The following AZU1 variants were observed in gnomAD, a reference collection of about 807,000 sequenced individuals.
AZU1 encodes azurocidin 1.
A neutral mutation model predicts 17.8 loss-of-function variants in AZU1; 21 were observed. That is an observed-to-expected ratio of 1.18 (90% CI 0.84 to 1.70). The LOEUF (loss-of-function observed/expected upper bound fraction) is 1.70. AZU1 is among the 40% of genes most tolerant of loss of function. AZU1 has a pLI of 0.00. For synonymous variants in AZU1, 178 were observed against 155.2 expected (o/e 1.15, Z -1.09); for missense variants, 379 against 362.9 (o/e 1.04, Z -0.36).
intron 1 of AZU1, 108 bp from the exon 2 acceptor site, chr19:828,122 C>G (rs146008314): frequency 3.3e-5 from 45 of 1,353,856 alleles, no homozygotes; most frequent in Middle Eastern, 2.2e-4. Flanking sequence ...GAGGGTGGGT[C>G]CCCCCGCAGC....
In AZU1 at chr19:830,738, G is replaced by C. The variant is rs376150747; in HGVS notation, c.391G>C (p.Val131Leu). Reference sequence around the variant, plus strand: ...CCGTGAGGCCAACCTCACCAGCAGCGTGACGATACTGCCACTGCCTCTGCA... The same window carrying C: ...CCGTGAGGCCAACCTCACCAGCAGCCTGACGATACTGCCACTGCCTCTGCA... ...LDREANLTSS[V>L]TILPLPLQNA... is the part of the protein sequence containing the mutation. Residue 131 changes from valine to leucine, a missense_variant, in exon 4 of 5, where the codon GTG becomes CTG. Physicochemically the swap from Val to Leu is conservative, Grantham distance 32 (BLOSUM62 1). Transcript: ENST00000233997. 2.5e-6 allele frequency: 4 copies of C among 1,590,352 alleles called. No individual in the cohort carries two copies. The African/African-American group carries it at 5.3e-5, about 21-fold the overall frequency.
chr19:830,966 A>AG, intron 4 of AZU1, 25 bp downstream of exon 4: 2 of 1,590,654 alleles, frequency 1.3e-6, no homozygotes, highest in Non-Finnish European at 1.7e-6. Flanking sequence ...TGGCGGGAGG[A>AG]GGGGTCCTGA....
chr19:830,895 A>G lies in AZU1; in HGVS notation c.548A>G (p.Asn183Ser). Residue 183 changes from asparagine to serine, a missense_variant, in exon 4 of 5, where the codon AAC (asparagine) becomes AGC (serine). Transcript: ENST00000233997. ...ACCCCCGAGGACCAGTGTCGCCCCA[A>G]CAACGTGTGCACCGGTGTGCTCACC... is the stretch of plus-strand genomic sequence containing the variant. ...TVTPEDQCRP[N>S]NVCTGVLTRR... 6.2e-7 allele frequency: 1 copy of G among 1,605,224 alleles called. No homozygotes were observed. Among genetic ancestry groups the G allele is most frequent in the Non-Finnish European group, 8.5e-7 (1 of 1,179,938 alleles).
chr19:827,951 G>C, intron 1 of AZU1, 47 bp downstream of exon 1: 1 of 1,533,910 alleles, frequency 6.5e-7, no homozygotes, highest in Non-Finnish European at 8.7e-7. Context: ...GCTAGGGCCC[G>C]GCTGCCAGGG....
chr19:828,423 G>C (rs758393187), intron 2 of AZU1, 37 bp downstream of exon 2: 1 of 1,497,988 alleles, frequency 6.7e-7, no homozygotes, highest in Non-Finnish European at 8.9e-7. Context: ...GGGGGCATTG[G>C]GGCTCAGAGA....
Position 831,823 on chromosome 19 carries a change from C to G in AZU1, c.702C>G (p.Leu234=), listed in dbSNP as rs1385134155. ...CTGACTTCTTCACCCGAGTGGCGCT[C>G]TTCCGAGACTGGATCGATGGTGTTC... is the stretch of plus-strand genomic sequence containing the variant. ...RGPDFFTRVA[L]FRDWIDGVLN... Residue 234 remains leucine, a synonymous_variant, in exon 5 of 5, where the codon CTC becomes CTG. Transcript: ENST00000233997. 1.2e-6 allele frequency: 2 copies of G among 1,612,722 alleles called. No homozygotes were observed. Among genetic ancestry groups the G allele is most frequent in the Non-Finnish European group, 1.7e-6 (2 of 1,179,862 alleles).
Position 830,735 on chromosome 19 carries a change from A to G in AZU1, c.388A>G (p.Ser130Gly), listed in dbSNP as rs547297811. The G allele has an allele frequency of 6.3e-7, 1 of 1,588,520 alleles. No individual in the cohort carries two copies. The highest frequency in any genetic ancestry group is 2.2e-5 in the East Asian group (1 of 44,746). The part of the protein sequence containing the change: ...QLDREANLTS[S>G]VTILPLPLQN... ...GGACCGTGAGGCCAACCTCACCAGC[A>G]GCGTGACGATACTGCCACTGCCTCT... Residue 130 changes from serine to glycine, a missense_variant, in exon 4 of 5, where the codon AGC (serine) becomes GGC (glycine). Coordinates refer to ENST00000233997, the MANE Select transcript of AZU1 (RefSeq NM_001700.5).
intron 2 of AZU1, 118 bp from the exon 3 acceptor site, chr19:829,444 T>TCAGGGTGAAGGATTG (rs1568292310): frequency 1.5e-6 from 2 of 1,372,410 alleles, no homozygotes; most frequent in Non-Finnish European, 2.0e-6. Context: ...GGGGGAGTTT[T>TCAGGGTGAAGGATTG]CAGGGTGAAG....
At chr19:829,352 TGGA>T (rs2035257552) in intron 2 of AZU1, among the ~76,000 whole-genome samples, 2 of 103,316 alleles carry the variant, frequency 1.9e-5, no homozygotes, top group Admixed American at 1.0e-4. Context: ...GGGGCTCAGA[TGGA>T]GGAGGAGGCG....
At chr19:829,773 C>A in intron 3 of AZU1, 67 bp downstream of exon 3, 1 of 1,572,402 alleles carries the variant, frequency 6.4e-7, no homozygotes, top group Admixed American at 1.8e-5. Context: ...GGAAACAAGT[C>A]CAAACTTGGT....
In AZU1 at chr19:829,633, CGTTTTCCATCAGCAGCATGAGCGA is replaced by C; in HGVS notation, c.289_312del (p.Phe97_Glu104del). The C allele has an allele frequency of 6.2e-7, 1 of 1,613,402 alleles. No individual in the cohort carries two copies. Among genetic ancestry groups the C allele is most frequent in the African/African-American group, 1.3e-5 (1 of 74,998 alleles). The stretch of plus-strand genomic sequence containing the variant: ...CGGCGGGAGAGGCAGTCCCGCCAGA[CGTTTTCCATCAGCAGCATGAGCGA>C]GAATGGCTACGACCCCCAGCAGAAC... On this transcript the variant is annotated inframe_deletion, in exon 3 of 5. Coordinates refer to ENST00000233997, the MANE Select transcript of AZU1 (RefSeq NM_001700.5).
At chr19:827,937 C>G (rs1854660112) in intron 1 of AZU1, 33 bp downstream of exon 1, 2 of 1,536,236 alleles carry the variant, frequency 1.3e-6, no homozygotes, top group Non-Finnish European at 1.7e-6. Flanking sequence ...GGTCCCCCAT[C>G]TGTGCTAGGG....
intron 2 of AZU1, among the ~76,000 whole-genome samples, chr19:829,161 C>G (rs1441798472): frequency 5.7e-5 from 1 of 17,658 alleles, no homozygotes; most frequent in Non-Finnish European, 8.5e-5. Flanking sequence ...TGGGGGAGGC[C>G]CAGATAAGGG....
intron 3 of AZU1, 149 bp downstream of exon 3, chr19:829,855 G>A (rs567987925): frequency 2.6e-5 from 31 of 1,195,398 alleles, no homozygotes; most frequent in East Asian, 1.0e-4. Flanking sequence ...TCAGGAGGCC[G>A]AGGCGGAAGG....
intron 1 of AZU1, 109 bp from the exon 2 acceptor site, chr19:828,121 T>TC: frequency 2.2e-6 from 3 of 1,349,452 alleles, no homozygotes; most frequent in African/African-American, 1.4e-5. Flanking sequence ...GGAGGGTGGG[T>TC]CCCCCCGCAG....
At chr19:829,433 C>A in intron 2 of AZU1, 129 bp from the exon 3 acceptor site, 2 of 1,289,382 alleles carry the variant, frequency 1.6e-6, no homozygotes, top group Non-Finnish European at 1.1e-6. Flanking sequence ...TCTGTAAAAG[C>A]GGGGGAGTTT....
intron 2 of AZU1, among the ~76,000 whole-genome samples, chr19:829,087 G>A (rs1287218162): frequency 9.6e-6 from 1 of 104,458 alleles, no homozygotes. Flanking sequence ...GGCTCAGATG[G>A]GGGAGGCGCA....
Position 829,152 on chromosome 19 carries a change from G to A in AZU1, c.216-410G>A, listed in dbSNP as rs530730656. On this transcript the variant is annotated intron_variant, in intron 2 of 4. Transcript: ENST00000233997. ...TGCAGAGAAGGGAAGGGGGTCAGAT[G>A]GGGGAGGCCCAGATAAGGGAATGGG... 2.9e-3 allele frequency among the ~76,000 whole-genome samples: 277 copies of A among 95,412 alleles called. 14 individuals carry two copies. The highest frequency in any genetic ancestry group is 0.012 in the African/African-American group (261 of 22,168). The allele number at this position is 95,412 out of a possible 152,430, so 62.6% of individuals were successfully genotyped here.
intron 1 of AZU1, 123 bp from the exon 2 acceptor site, chr19:828,107 T>TG (rs1483912230): frequency 1.5e-6 from 2 of 1,324,368 alleles, no homozygotes; most frequent in East Asian, 4.6e-5. Flanking sequence ...AGTGGGACGA[T>TG]GGGGGAGGGT....
Sources: allele counts gnomAD v4.1 joint callset (sites outside exome capture counted in the v4.1 genomes callset), GRCh38; gene constraint gnomAD v4.1.1; transcripts MANE v1.5; gene names NCBI Gene and HGNC (gene_info 2026-07-23, HGNC 2026-07-21).